Variants in NALF1 observed in about 807,000 individuals in gnomAD.
The protein encoded by NALF1 is NALCN channel auxiliary factor 1.
Under a neutral mutation model 48.4 loss-of-function variants are expected in NALF1, and 3 were observed. The ratio of observed to expected loss-of-function variants is 0.06; its 90% CI spans 0.03 to 0.16. The LOEUF is 0.16. NALF1 is among the 10% of genes least tolerant of loss of function. NALF1 has a pLI of 1.00. For missense variants in NALF1, 526 were observed against 571.5 expected (o/e 0.92, Z 0.81); for synonymous variants, 262 against 245.7 (o/e 1.07, Z -0.62).
chr13:107,491,233 T>C (rs1424904661), intron 1 of NALF1, among the ~76,000 whole-genome samples: 2 of 152,200 alleles, frequency 1.3e-5, no homozygotes, highest in Non-Finnish European at 2.9e-5. Context: ...TATAAAGGCT[T>C]ACAGAGTTTG....
intron 1 of NALF1, among the ~76,000 whole-genome samples, chr13:107,705,456 T>C (rs1429515721): frequency 6.6e-6 from 1 of 152,208 alleles, no homozygotes; most frequent in Non-Finnish European, 1.5e-5. Context: ...GCAAATTATA[T>C]CGTCTAATGC....
intron 1 of NALF1, among the ~76,000 whole-genome samples, chr13:107,574,558 T>C (rs1878081505): frequency 6.6e-6 from 1 of 152,190 alleles, no homozygotes; most frequent in Non-Finnish European, 1.5e-5. Context: ...AGGACTCTTA[T>C]TTGGAGGTAA....
intron 1 of NALF1, among the ~76,000 whole-genome samples, chr13:107,368,955 G>A (rs947008548): frequency 1.1e-4 from 16 of 152,170 alleles, no homozygotes; most frequent in Non-Finnish European, 2.4e-4. Flanking sequence ...TTATCAAATA[G>A]GTCAGGTTGT....
intron 1 of NALF1, among the ~76,000 whole-genome samples, chr13:107,756,435 CTATATATA>C (rs148971349): frequency 7.1e-6 from 1 of 141,056 alleles, no homozygotes; most frequent in African/African-American, 2.7e-5. Context: ...AGTTTAATGG[CTATATATA>C]TATATATATA....
chr13:107,775,054 A>G (rs1877685335), intron 1 of NALF1, among the ~76,000 whole-genome samples: 1 of 152,062 alleles, frequency 6.6e-6, no homozygotes, highest in Non-Finnish European at 1.5e-5. Context: ...TATTTCATGT[A>G]TTCTTTATTT....
intron 1 of NALF1, among the ~76,000 whole-genome samples, chr13:107,484,927 G>T (rs1339478446): frequency 6.6e-6 from 1 of 152,084 alleles, no homozygotes; most frequent in Non-Finnish European, 1.5e-5. Flanking sequence ...AATCCCTTTT[G>T]CAGAGTATTT....
chr13:107,681,473 G>A (rs766098936), intron 1 of NALF1, among the ~76,000 whole-genome samples: 3 of 131,776 alleles, frequency 2.3e-5, no homozygotes, highest in Non-Finnish European at 3.3e-5. Context: ...TATGGTTTCA[G>A]GGAGAAAAGT....
At chr13:107,616,590 T>C (rs1566416638) in intron 1 of NALF1, among the ~76,000 whole-genome samples, 1 of 152,204 alleles carries the variant, frequency 6.6e-6, no homozygotes, top group Non-Finnish European at 1.5e-5. Flanking sequence ...AAGATTGAAT[T>C]CAGATAACAA....
At chr13:107,199,992 T>C (rs994916213) in intron 2 of NALF1, among the ~76,000 whole-genome samples, 1 of 152,210 alleles carries the variant, frequency 6.6e-6, no homozygotes, top group Admixed American at 6.5e-5. Flanking sequence ...TACTCACTAA[T>C]GAACTCATCC....
intron 1 of NALF1, among the ~76,000 whole-genome samples, chr13:107,462,994 C>T (rs534823831): frequency 1.5e-4 from 23 of 152,156 alleles, no homozygotes; most frequent in African/African-American, 5.3e-4. Flanking sequence ...TTGGGGAACC[C>T]GGACACACAT....
intron 1 of NALF1, among the ~76,000 whole-genome samples, chr13:107,658,408 AC>A (rs761354645): frequency 6.6e-5 from 10 of 151,620 alleles, no homozygotes; most frequent in Admixed American, 1.3e-4. Context: ...GGCTCTTATC[AC>A]CTTCCTTAAT....
chr13:107,524,622 T>A (rs1326468809), intron 1 of NALF1, among the ~76,000 whole-genome samples: 1 of 152,104 alleles, frequency 6.6e-6, no homozygotes, highest in African/African-American at 2.4e-5. Context: ...TAATTAGCAC[T>A]TGAAACATTT....
intron 1 of NALF1, among the ~76,000 whole-genome samples, chr13:107,267,288 A>G (rs1341649476): frequency 6.6e-6 from 1 of 152,202 alleles, no homozygotes; most frequent in Non-Finnish European, 1.5e-5. Context: ...ATACCACATA[A>G]AATTGGACCA....
intron 1 of NALF1, among the ~76,000 whole-genome samples, chr13:107,736,856 T>C (rs747119902): frequency 2.0e-5 from 3 of 152,156 alleles, no homozygotes; most frequent in African/African-American, 4.8e-5. Context: ...TCTCCAACAT[T>C]TGAAGCTAAA....
chr13:107,186,250 G>A (rs566680900), intron 2 of NALF1, among the ~76,000 whole-genome samples: 1 of 152,136 alleles, frequency 6.6e-6, no homozygotes, highest in African/African-American at 2.4e-5. Flanking sequence ...GATGAGAGGG[G>A]ACTACTGTAT....
At chr13:107,287,706 C>CTTTTTTTTTTTTTTT (rs59607599) in intron 1 of NALF1, among the ~76,000 whole-genome samples, 6 of 127,906 alleles carry the variant, frequency 4.7e-5, no homozygotes, top group Non-Finnish European at 8.1e-5. Context: ...TCTTTTCTTT[C>CTTTTTTTTTTTTTTT]TTTTTTTTTT....
intron 1 of NALF1, among the ~76,000 whole-genome samples, chr13:107,549,451 C>G (rs1594123344): frequency 6.6e-6 from 1 of 152,210 alleles, no homozygotes; most frequent in East Asian, 1.9e-4. Flanking sequence ...ACAAAGGTAT[C>G]AAATTCAGCT....
At chr13:107,478,714 C>T (rs1375083883) in intron 1 of NALF1, among the ~76,000 whole-genome samples, 1 of 151,920 alleles carries the variant, frequency 6.6e-6, no homozygotes, top group Admixed American at 6.6e-5. Flanking sequence ...GGGATAAATG[C>T]TTATATTTGT....
intron 1 of NALF1, among the ~76,000 whole-genome samples, chr13:107,545,083 G>C (rs1401830685): frequency 6.6e-6 from 1 of 152,206 alleles, no homozygotes; most frequent in Admixed American, 6.5e-5. Context: ...ATATAAAGGT[G>C]ATCTTATTTG....
Sources: allele counts gnomAD v4.1 joint callset (sites outside exome capture counted in the v4.1 genomes callset), GRCh38; gene constraint gnomAD v4.1.1; transcripts MANE v1.5; gene names NCBI Gene and HGNC (gene_info 2026-07-23, HGNC 2026-07-21).